The following NEO1 variants were observed in gnomAD, a reference collection of about 807,000 sequenced individuals.
NEO1 encodes the protein neogenin 1.
NEO1 carries 63 observed loss-of-function variants against 159.7 expected under a neutral mutation model. That is an observed-to-expected ratio of 0.39 (90% CI 0.32 to 0.49). The LOEUF is 0.49. Ranked by LOEUF, NEO1 falls within the 20% of genes least tolerant of loss-of-function variation. NEO1 has a pLI of 0.85. For synonymous variants in NEO1, 633 were observed against 662.0 expected, an observed-to-expected ratio of 0.96 and a Z score of 0.67; for missense variants, 1,615 against 1,831.0, an observed-to-expected ratio of 0.88 and a Z score of 2.15.
At chr15:73,293,692 C>G (rs988914296) in intron 26 of NEO1, 144 bp downstream of exon 26, 9 of 911,006 alleles carry the variant, frequency 9.9e-6, no homozygotes, top group Non-Finnish European at 1.3e-5. Flanking sequence ...GTGACTGACT[C>G]AAATTTGTTT....
chr15:73,151,954 C>T (rs1487394090), intron 5 of NEO1, among the ~76,000 whole-genome samples: 2 of 152,206 alleles, frequency 1.3e-5, no homozygotes, highest in Non-Finnish European at 2.9e-5. Context: ...GCCACATAAA[C>T]TACTGGTTCA....
chr15:73,268,769 G>A (rs541983133), intron 16 of NEO1, among the ~76,000 whole-genome samples: 126 of 152,278 alleles, frequency 8.3e-4, no homozygotes, highest in Non-Finnish European at 1.3e-3. Flanking sequence ...ATTGCCCTGG[G>A]CCCATGGTGC....
At chr15:73,124,050 G>T (rs1026133659) in intron 3 of NEO1, among the ~76,000 whole-genome samples, 1 of 152,090 alleles carries the variant, frequency 6.6e-6, no homozygotes, top group Non-Finnish European at 1.5e-5. Context: ...GTGAGCGCCT[G>T]TGCACGCATA....
At chr15:73,129,572 AAG>A (rs1386637798) in intron 4 of NEO1, among the ~76,000 whole-genome samples, 11 of 152,306 alleles carry the variant, frequency 7.2e-5, no homozygotes, top group African/African-American at 1.9e-4. Flanking sequence ...TCGCTAATGA[AAG>A]AGGGGGGTGG....
chr15:73,081,998 C>T (rs1251398220), intron 1 of NEO1, among the ~76,000 whole-genome samples: 6 of 151,794 alleles, frequency 4.0e-5, no homozygotes, highest in South Asian at 2.1e-4. Context: ...CTCAGCCTCC[C>T]GAGTAGCTGG....
chr15:73,107,976 G>A, intron 1 of NEO1, among the ~76,000 whole-genome samples: 1 of 152,164 alleles, frequency 6.6e-6, no homozygotes. Context: ...GAAACCAGGA[G>A]TTTGAGACCA....
rs1555421033 is a variant in NEO1 at position 73,068,223 on chromosome 15, AC to A, written c.130+15428del. Among the ~76,000 whole-genome samples, 226 of 83,020 alleles carry A rather than the reference AC, an allele frequency of 2.7e-3. 4 individuals carry two copies. Among genetic ancestry groups the A allele is most frequent in the African/African-American group, 7.3e-3 (177 of 24,152 alleles). The allele number at this position is 83,020 out of a possible 152,430, so 54.5% of individuals were successfully genotyped here. A position where few individuals can be genotyped will look rare whatever the true frequency, so the allele number is the denominator to read the frequency against. ...CCTGTATTTTTGTTTTTGTCCCCCT[AC>A]CCCCCCCCCTTTTTTTTTGAGACAG... On this transcript the variant is annotated intron_variant, in intron 1 of 28. Transcript: ENST00000261908.
intron 9 of NEO1, among the ~76,000 whole-genome samples, chr15:73,245,298 A>T (rs1179837843): frequency 6.6e-6 from 1 of 152,180 alleles, no homozygotes; most frequent in Non-Finnish European, 1.5e-5. Flanking sequence ...TAGGCATACC[A>T]TGCTCTTTAG....
At chr15:73,104,955 C>T (rs758033306) in intron 1 of NEO1, among the ~76,000 whole-genome samples, 26 of 152,152 alleles carry the variant, frequency 1.7e-4, no homozygotes, top group Non-Finnish European at 3.1e-4. Flanking sequence ...ACCTCCAACA[C>T]TGGAGATTAT....
intron 3 of NEO1, among the ~76,000 whole-genome samples, chr15:73,123,452 C>A (rs554045348): frequency 6.6e-6 from 1 of 152,042 alleles, no homozygotes; most frequent in East Asian, 1.9e-4. Context: ...CAGGCTAGTT[C>A]GTATAAGGGA....
In NEO1 at chr15:73,298,497, G is replaced by C; in HGVS notation, c.4051G>C (p.Ala1351Pro). 6.2e-7 allele frequency: 1 copy of C among 1,614,162 alleles called. No individual in the cohort carries two copies. The highest frequency in any genetic ancestry group is 8.5e-7 in the Non-Finnish European group (1 of 1,180,036). The change falls in exon 27 of 29, where the codon GCC becomes CCC. Residue 1351 changes from alanine to proline, a missense_variant. Physicochemically the swap from Ala to Pro is conservative, Grantham distance 27. This residue lies in a region of NEO1 where 471 missense variants were observed against 498.9 expected (regional missense o/e 0.94). Coordinates refer to ENST00000261908, the MANE Select transcript of NEO1 (RefSeq NM_002499.4). The stretch of plus-strand genomic sequence containing the variant: ...AGATTCAGGCCAGAGTCTTCCCACT[G>C]CCCATGTTCGCCCTTCCCACCCATT... ...EEDSGQSLPT[A>P]HVRPSHPLKS...
At chr15:73,127,882 C>T (rs181532469) in intron 4 of NEO1, among the ~76,000 whole-genome samples, 10 of 152,272 alleles carry the variant, frequency 6.6e-5, no homozygotes, top group African/African-American at 2.2e-4. Context: ...TTCAGGTAGC[C>T]ACATGTGACT....
At chr15:73,084,403 T>A (rs1365469601) in intron 1 of NEO1, among the ~76,000 whole-genome samples, 1 of 152,214 alleles carries the variant, frequency 6.6e-6, no homozygotes, top group African/African-American at 2.4e-5. Flanking sequence ...CATGCAGTAT[T>A]TGTTTTTCTA....
intron 7 of NEO1, among the ~76,000 whole-genome samples, chr15:73,235,940 A>C (rs1033916741): frequency 1.3e-5 from 2 of 152,206 alleles, no homozygotes; most frequent in African/African-American, 4.8e-5. Context: ...CAGATGTTGC[A>C]TGCTGCTTTC....
chr15:73,108,593 C>CAG (rs35057813), intron 1 of NEO1, among the ~76,000 whole-genome samples: 81,569 of 151,790 alleles, frequency 0.54, 22,329 homozygotes, highest in Middle Eastern at 0.61. Context: ...CATGGCAAGA[C>CAG]GGGTCATTTT....
At chr15:73,137,722 C>G (rs1405749104) in intron 5 of NEO1, among the ~76,000 whole-genome samples, 3 of 152,194 alleles carry the variant, frequency 2.0e-5, no homozygotes, top group Non-Finnish European at 2.9e-5. Context: ...GTCTCGAACT[C>G]CTGGGCTCAA....
intron 23 of NEO1, 48 bp from the exon 24 acceptor site, chr15:73,288,265 C>T (rs913726342): frequency 3.9e-6 from 6 of 1,540,516 alleles, no homozygotes; most frequent in Admixed American, 1.7e-5. Context: ...TTGACAAATA[C>T]GTTCAAATGA....
intron 8 of NEO1, among the ~76,000 whole-genome samples, chr15:73,241,870 G>C (rs1283986197): frequency 1.3e-5 from 2 of 151,656 alleles, no homozygotes; most frequent in African/African-American, 4.9e-5. Flanking sequence ...ATTTGATGTG[G>C]GTATTAGTAA....
intron 7 of NEO1, among the ~76,000 whole-genome samples, chr15:73,208,421 T>C (rs920987425): frequency 6.6e-6 from 1 of 152,242 alleles, no homozygotes; most frequent in South Asian, 2.1e-4. Flanking sequence ...TTTCTAGTGA[T>C]AGGGTATTCT....
Sources: allele counts gnomAD v4.1 joint callset (sites outside exome capture counted in the v4.1 genomes callset), GRCh38; gene constraint gnomAD v4.1.1; regional missense constraint gnomAD v4.1.1; transcripts MANE v1.5; gene names NCBI Gene and HGNC (gene_info 2026-07-23, HGNC 2026-07-21).